The following SLFN12 variants were observed in gnomAD, a reference collection of about 807,000 sequenced individuals.
SLFN12 encodes schlafen family member 12.
SLFN12 carries 25 observed loss-of-function variants against 29.1 expected under a neutral mutation model. That is an observed-to-expected ratio of 0.86 (90% CI 0.63 to 1.20). SLFN12 has a LOEUF of 1.20. SLFN12 is among the 50% of genes most tolerant of loss of function. The probability of loss-of-function intolerance (pLI) is 0.00; values close to 1 mark genes in which losing one functional copy is unlikely to be tolerated. For synonymous variants in SLFN12, 257 were observed against 238.7 expected (o/e 1.08, Z -0.71); for missense variants, 660 against 666.2 (o/e 0.99, Z 0.10).
In SLFN12 at chr17:35,420,205, C is replaced by T. The variant is rs372367340; in HGVS notation, c.1147+69G>A. The T allele has an allele frequency of 3.0e-5, 33 of 1,104,154 alleles. 1 individual carries two copies. The South Asian group carries it at 3.7e-4, about 13-fold the overall frequency. The allele number at this position is 1,104,154 out of a possible 1,614,324, so 68.4% of individuals were successfully genotyped here. Reference sequence around the variant, plus strand: ...TTTCAGAGCAAATTTCAAGACTGAGCTGGTTTGAAGAGAAAGAGGTTTGAC... The same window carrying T: ...TTTCAGAGCAAATTTCAAGACTGAGTTGGTTTGAAGAGAAAGAGGTTTGAC... On this transcript the variant is annotated intron_variant, in intron 3 of 3. Coordinates refer to ENST00000304905, the MANE Select transcript of SLFN12 (RefSeq NM_018042.5).
intron 3 of SLFN12, among the ~76,000 whole-genome samples, chr17:35,417,810 T>C (rs1479059342): frequency 1.3e-5 from 2 of 152,046 alleles, no homozygotes; most frequent in African/African-American, 4.8e-5. Context: ...AAAAATCAAC[T>C]GCATTTCTAC....
At chr17:35,425,912 C>T (rs886752084) in intron 1 of SLFN12, among the ~76,000 whole-genome samples, 2 of 121,992 alleles carry the variant, frequency 1.6e-5, no homozygotes, top group Admixed American at 1.0e-4. Context: ...AGTTTAAATT[C>T]CTACCAATAG....
chr17:35,422,976 A>T lies in SLFN12; in HGVS notation c.53T>A (p.Val18Glu), dbSNP rs1911795007. The T allele has an allele frequency of 1.2e-6, 2 of 1,613,566 alleles. No individual in the cohort carries two copies. The highest frequency in any genetic ancestry group is 8.5e-7 in the Non-Finnish European group (1 of 1,179,890). The change falls in exon 2 of 4, where the codon GTG becomes GAG. Residue 18 changes from valine (V) to glutamate (E), a missense_variant. Val to Glu is a moderately radical substitution (Grantham distance 121). Coordinates refer to ENST00000304905, the MANE Select transcript of SLFN12 (RefSeq NM_018042.5). ...GTTCTCTCCAAGAGTGACTCTTCCC[A>T]CATCTAGAACCAACTCGGCATAATT... The part of the protein sequence containing the change: ...ETNYAELVLD[V>E]GRVTLGENSR...
At chr17:35,413,556 T>G (rs1436186744) in intron 3 of SLFN12, among the ~76,000 whole-genome samples, 1 of 151,880 alleles carries the variant, frequency 6.6e-6, no homozygotes, top group African/African-American at 2.4e-5. Context: ...AAGACCAACC[T>G]GGCCAACATG....
chr17:35,424,718 A>C (rs148444074), intron 1 of SLFN12, among the ~76,000 whole-genome samples: 2 of 152,254 alleles, frequency 1.3e-5, no homozygotes, highest in Non-Finnish European at 2.9e-5. Context: ...ACATGTAAAC[A>C]ATGTTAACAT....
At chr17:35,426,611 A>G (rs997654) in intron 1 of SLFN12, among the ~76,000 whole-genome samples, 21,889 of 152,120 alleles carry the variant, frequency 0.14, 2,318 homozygotes, top group African/African-American at 0.28. Flanking sequence ...TCTTTTGAAT[A>G]GGTCATATTT....
At position 35,422,958 on chromosome 17, in the gene SLFN12, C is replaced by G. The variant is rs774914464; in HGVS notation, c.71G>C (p.Gly24Ala). Reference sequence around the variant, plus strand: ...CTTCATTTTTTTCCTACTGTTCTCTCCAAGAGTGACTCTTCCCACATCTAG... The same window carrying G: ...CTTCATTTTTTTCCTACTGTTCTCTGCAAGAGTGACTCTTCCCACATCTAG... ...LVLDVGRVTL[G>A]ENSRKKMKDC... The change falls in exon 2 of 4, where the codon GGA (glycine) becomes GCA (alanine). Residue 24 changes from glycine to alanine, a missense_variant. Gly to Ala is a moderately conservative substitution (Grantham distance 60). Transcript: ENST00000304905. 2.5e-6 allele frequency: 4 copies of G among 1,613,756 alleles called. No individual in the cohort carries two copies. The South Asian group carries it at 3.3e-5, about 13-fold the overall frequency.
chr17:35,421,829 C>G (rs1206436151), intron 2 of SLFN12, among the ~76,000 whole-genome samples, 161 bp downstream of exon 2: 2 of 151,426 alleles, frequency 1.3e-5, no homozygotes, highest in Admixed American at 6.6e-5. Context: ...CGTGAGCCAC[C>G]GCGCCTGGCC....
chr17:35,415,701 G>A (rs1001443723), intron 3 of SLFN12, among the ~76,000 whole-genome samples: 4 of 151,914 alleles, frequency 2.6e-5, no homozygotes, highest in Non-Finnish European at 5.9e-5. Flanking sequence ...GTGGGCAAAG[G>A]ATATAAATAG....
chr17:35,413,448 A>G (rs1224224510), intron 3 of SLFN12, among the ~76,000 whole-genome samples: 1 of 152,106 alleles, frequency 6.6e-6, no homozygotes, highest in Non-Finnish European at 1.5e-5. Context: ...ATTCAACAGC[A>G]CATTAAAAGG....
intron 3 of SLFN12, among the ~76,000 whole-genome samples, chr17:35,412,370 A>T (rs1911076726): frequency 6.6e-6 from 1 of 152,118 alleles, no homozygotes; most frequent in Non-Finnish European, 1.5e-5. Context: ...GATGCTGGAA[A>T]CACAGAAGAA....
rs918315496 is a variant in SLFN12 at position 35,411,383 on chromosome 17, C to T, written c.1692G>A (p.Gln564=). 6.3e-7 allele frequency: 1 copy of T among 1,576,474 alleles called. No individual in the cohort carries two copies. The highest frequency in any genetic ancestry group is 8.6e-7 in the Non-Finnish European group (1 of 1,163,842). Residue 564 remains glutamine (Q), a synonymous_variant, in exon 4 of 4, where the codon CAG becomes CAA. Transcript: ENST00000304905. The part of the protein sequence containing the change: ...LYQIIGIDCF[Q]KNDKKMFKSC... ...ATTTAAACATCTTTTTATCATTCTT[C>T]TGAAAGCAATCTATACCGATTATCT...
Position 35,411,388 on chromosome 17 carries a change from A to C in SLFN12, c.1687T>G (p.Phe563Val). 5 of 1,579,728 alleles carry C rather than the reference A, an allele frequency of 3.2e-6. No individual in the cohort carries two copies. Among genetic ancestry groups the C allele is most frequent in the Non-Finnish European group, 3.4e-6 (4 of 1,165,356 alleles). The change falls in exon 4 of 4, where the codon TTT (phenylalanine) becomes GTT (valine). Residue 563 changes from phenylalanine (F) to valine (V), a missense_variant. Physicochemically the swap from Phe to Val is conservative, Grantham distance 50. Transcript: ENST00000304905. Reference protein sequence around the residue: ...NLYQIIGIDCFQKNDKKMFKS... With the variant: ...NLYQIIGIDCVQKNDKKMFKS... ...AACATCTTTTTATCATTCTTCTGAA[A>C]GCAATCTATACCGATTATCTGGTAT...
intron 3 of SLFN12, among the ~76,000 whole-genome samples, chr17:35,417,329 T>G (rs747740681): frequency 7.2e-5 from 11 of 152,134 alleles, no homozygotes; most frequent in Non-Finnish European, 1.5e-4. Context: ...ATGTGTTTGA[T>G]AAAATTCAGT....
At chr17:35,414,216 A>T (rs987028955) in intron 3 of SLFN12, among the ~76,000 whole-genome samples, 3 of 152,132 alleles carry the variant, frequency 2.0e-5, no homozygotes, top group African/African-American at 7.2e-5. Context: ...ATGTGAACTT[A>T]TATATAGAAA....
chr17:35,429,227 G>T (rs1197462042), intron 1 of SLFN12, among the ~76,000 whole-genome samples: 1 of 151,980 alleles, frequency 6.6e-6, no homozygotes, highest in African/African-American at 2.4e-5. Context: ...ATTAAGGAGG[G>T]TGCTCATACC....
chr17:35,416,190 A>T (rs920367099), intron 3 of SLFN12, among the ~76,000 whole-genome samples: 93 of 152,306 alleles, frequency 6.1e-4, no homozygotes, highest in African/African-American at 2.2e-3. Context: ...GGAATGAAAT[A>T]ATGGCATTCA....
rs1366866969 is a variant in SLFN12 at position 35,422,466 on chromosome 17, G to T, written c.563C>A (p.Thr188Lys). The change falls in exon 2 of 4, where the codon ACA (threonine) becomes AAA (lysine). Residue 188 changes from threonine to lysine, a missense_variant. Physicochemically the swap from Thr to Lys is moderately conservative, Grantham distance 78. Transcript: ENST00000304905. ...KALAGVFFDRTELDRKEKLTF... is the reference protein window; with the variant it reads ...KALAGVFFDRKELDRKEKLTF... ...CAATTTTTCTTTCCGATCAAGTTCT[G>T]TTCTATCAAAAAAAACCCCGGCCAA... 3 of 1,612,294 alleles carry T rather than the reference G, an allele frequency of 1.9e-6. No homozygotes were observed. Among genetic ancestry groups the T allele is most frequent in the African/African-American group, 2.7e-5 (2 of 74,710 alleles).
intron 3 of SLFN12, among the ~76,000 whole-genome samples, chr17:35,412,476 A>C (rs1012070871): frequency 3.3e-5 from 5 of 152,126 alleles, no homozygotes; most frequent in South Asian, 2.1e-4. Context: ...AAAAGAGTGG[A>C]GGGATCTTGG....
Sources: gnomAD v4.1 joint callset for allele counts (sites outside exome capture counted in the v4.1 genomes callset) on GRCh38, gnomAD v4.1.1 for gene constraint, MANE v1.5 for transcripts, NCBI Gene and HGNC (gene_info 2026-07-23, HGNC 2026-07-21) for gene names.